Variants in SLIT3 observed in about 807,000 individuals in gnomAD.
SLIT3 encodes the protein slit guidance ligand 3.
In SLIT3, 68 loss-of-function variants were observed where a neutral mutation model predicts 184.0. The observed-to-expected ratio is 0.37, with a 90% CI of 0.30 to 0.45. The LOEUF is 0.45. Among genes scored for constraint, SLIT3 ranks in the 20% least tolerant of loss-of-function variants. The probability of loss-of-function intolerance (pLI) is 1.00; values close to 1 mark genes in which losing one functional copy is unlikely to be tolerated. For missense variants in SLIT3, 1,707 were observed against 2,026.0 expected, an observed-to-expected ratio of 0.84 and a Z score of 3.02; for synonymous variants, 831 against 828.6, an observed-to-expected ratio of 1.00 and a Z score of -0.05.
At chr5:169,083,391 T>C (rs899559461) in intron 4 of SLIT3, among the ~76,000 whole-genome samples, 2 of 151,946 alleles carry the variant, frequency 1.3e-5, no homozygotes, top group African/African-American at 2.4e-5. Flanking sequence ...CACCTGAAAG[T>C]GAAATGGGGC....
chr5:168,830,852 C>G (rs1757859238), intron 6 of SLIT3, among the ~76,000 whole-genome samples: 1 of 152,208 alleles, frequency 6.6e-6, no homozygotes, highest in Non-Finnish European at 1.5e-5. Flanking sequence ...ACAGATGTCA[C>G]CTTTCCAGCT....
At chr5:168,865,446 T>C (rs1461122958) in intron 5 of SLIT3, among the ~76,000 whole-genome samples, 1 of 152,160 alleles carries the variant, frequency 6.6e-6, no homozygotes, top group Non-Finnish European at 1.5e-5. Flanking sequence ...ACAGGGTGAA[T>C]TTCAAAATAC....
chr5:169,228,053 A>G (rs528340990), intron 3 of SLIT3, among the ~76,000 whole-genome samples: 7 of 152,366 alleles, frequency 4.6e-5, no homozygotes, highest in Admixed American at 6.5e-5. Flanking sequence ...TTTTTTCTAG[A>G]AATGACTATG....
intron 1 of SLIT3, among the ~76,000 whole-genome samples, chr5:169,278,369 G>A (rs1030143368): frequency 4.6e-5 from 7 of 152,210 alleles, no homozygotes; most frequent in African/African-American, 4.8e-5. Flanking sequence ...AGAAACCAAA[G>A]CAGTGGGCTA....
intron 4 of SLIT3, among the ~76,000 whole-genome samples, chr5:168,933,637 C>T (rs1762065617): frequency 6.6e-6 from 1 of 152,196 alleles, no homozygotes. Flanking sequence ...TGGGTACCTT[C>T]TCCTAAAAGC....
chr5:169,165,428 C>A (rs116545238), intron 4 of SLIT3, among the ~76,000 whole-genome samples: 150 of 152,334 alleles, frequency 9.8e-4, no homozygotes, highest in African/African-American at 3.0e-3. Context: ...ACAGCAACAA[C>A]TTCACTGCCT....
intron 32 of SLIT3, among the ~76,000 whole-genome samples, chr5:168,683,010 A>G (rs1448303577): frequency 6.6e-6 from 1 of 152,176 alleles, no homozygotes; most frequent in Non-Finnish European, 1.5e-5. Context: ...AATCTAACAT[A>G]TCCAACTAAC....
intron 4 of SLIT3, among the ~76,000 whole-genome samples, chr5:169,154,135 G>T (rs1163583673): frequency 1.3e-5 from 2 of 152,010 alleles, no homozygotes; most frequent in South Asian, 2.1e-4. Flanking sequence ...ACCAAGCCTG[G>T]CTAATTTTTT....
At chr5:168,956,932 A>G (rs1762845863) in intron 4 of SLIT3, among the ~76,000 whole-genome samples, 1 of 139,840 alleles carries the variant, frequency 7.2e-6, no homozygotes, top group African/African-American at 2.7e-5. Flanking sequence ...CTCAGCCTCC[A>G]CATCCACTTT....
intron 4 of SLIT3, among the ~76,000 whole-genome samples, chr5:169,028,603 G>A (rs1756919036): frequency 6.6e-6 from 1 of 152,128 alleles, no homozygotes; most frequent in Non-Finnish European, 1.5e-5. Flanking sequence ...TTATTATTCA[G>A]GCAGTCTAAC....
chr5:169,043,315 CATT>C (rs1052752702), intron 4 of SLIT3, among the ~76,000 whole-genome samples: 1 of 152,194 alleles, frequency 6.6e-6, no homozygotes, highest in African/African-American at 2.4e-5. Flanking sequence ...GGTTGAGACA[CATT>C]ATAGTTTAAA....
chr5:168,779,761 G>A (rs939412662), intron 12 of SLIT3, among the ~76,000 whole-genome samples: 9 of 152,222 alleles, frequency 5.9e-5, no homozygotes, highest in African/African-American at 1.7e-4. Context: ...CTAGGGGACC[G>A]GGGCTGGCCT....
intron 3 of SLIT3, among the ~76,000 whole-genome samples, chr5:169,236,615 C>G (rs1450785362): frequency 6.6e-6 from 1 of 151,832 alleles, no homozygotes; most frequent in Non-Finnish European, 1.5e-5. Context: ...GGACTATAGG[C>G]ACATGCCACC....
chr5:168,962,535 G>C (rs995332463), intron 4 of SLIT3, among the ~76,000 whole-genome samples: 13 of 151,706 alleles, frequency 8.6e-5, no homozygotes, highest in Admixed American at 8.5e-4. Context: ...AAAGGTCTTT[G>C]CTTAAGAAGT....
At position 169,255,751 on chromosome 5, in the gene SLIT3, C is replaced by T. The variant is rs192616374; in HGVS notation, c.198-4292G>A. ...ACAAAAAATTAGCCGAGCGTGGTGG[C>T]GGGTGCCTGTTGTCCCAGCTACTCA... On this transcript the variant is annotated intron_variant, in intron 1 of 35. Transcript: ENST00000519560. Among the ~76,000 whole-genome samples the T allele has an allele frequency of 1.3e-3, 200 of 152,080 alleles. 2 individuals are homozygous for T. The East Asian group carries it at 0.029, about 22-fold the overall frequency.
chr5:168,800,523 G>A (rs1400293633), intron 9 of SLIT3, among the ~76,000 whole-genome samples: 1 of 152,190 alleles, frequency 6.6e-6, no homozygotes, highest in Non-Finnish European at 1.5e-5. Context: ...GGAGGCGGAG[G>A]TTGCAGTGAG....
chr5:169,235,668 G>T (rs1055617463), intron 3 of SLIT3, among the ~76,000 whole-genome samples: 1 of 152,132 alleles, frequency 6.6e-6, no homozygotes, highest in African/African-American at 2.4e-5. Context: ...ATTTGGCTGT[G>T]ACAGTTTTTC....
chr5:168,849,974 G>GT (rs1478692167), intron 5 of SLIT3, among the ~76,000 whole-genome samples: 3 of 151,578 alleles, frequency 2.0e-5, no homozygotes, highest in Admixed American at 6.6e-5. Flanking sequence ...GCTTTTGAAG[G>GT]TTGTTTTTTT....
At chr5:169,060,371 G>A (rs1758137174) in intron 4 of SLIT3, among the ~76,000 whole-genome samples, 1 of 151,588 alleles carries the variant, frequency 6.6e-6, no homozygotes, top group Non-Finnish European at 1.5e-5. Context: ...CAGCCTGGGT[G>A]ACAGAGCAAG....
Sources: gnomAD v4.1 joint callset for allele counts (sites outside exome capture counted in the v4.1 genomes callset) on GRCh38, gnomAD v4.1.1 for gene constraint, MANE v1.5 for transcripts, NCBI Gene and HGNC (gene_info 2026-07-23, HGNC 2026-07-21) for gene names.